Variants in SHTN1 observed in about 807,000 individuals in gnomAD.
The protein encoded by SHTN1 is shootin-1.
A neutral mutation model predicts 83.1 loss-of-function variants in SHTN1; 42 were observed. The ratio of observed to expected loss-of-function variants is 0.51; its 90% CI spans 0.39 to 0.65. SHTN1 has a LOEUF of 0.65. Among genes scored for constraint, SHTN1 ranks in the 30% least tolerant of loss-of-function variants. The pLI, the probability that SHTN1 is intolerant of heterozygous loss-of-function variation, is 0.00. For synonymous variants in SHTN1, 224 were observed against 247.7 expected (o/e 0.90, Z 0.90); for missense variants, 622 against 737.8 (o/e 0.84, Z 1.82).
rs369405448 is a variant in SHTN1 at position 116,951,888 on chromosome 10, T to C, written c.534+21A>G. ...CCTTGAAAATGCTAAAGCCCTTGCCTTTCAGGCCTGAGATACATACTTCTT... is the reference window on the plus strand; with the variant it reads ...CCTTGAAAATGCTAAAGCCCTTGCCCTTCAGGCCTGAGATACATACTTCTT... On this transcript the variant is annotated intron_variant, in intron 6 of 16. Coordinates refer to ENST00000355371, the MANE Select transcript of SHTN1 (RefSeq NM_001127211.3). 40 of 1,420,846 alleles carry C rather than the reference T, an allele frequency of 2.8e-5. No homozygotes were observed. The African/African-American group carries it at 4.5e-4, about 16-fold the overall frequency. The allele number at this position is 1,420,846 out of a possible 1,614,324, so 88.0% of individuals were successfully genotyped here.
In SHTN1 at chr10:117,005,024, T is replaced by G; in HGVS notation, c.56A>C (p.Gln19Pro). Residue 19 changes from glutamine (Q) to proline (P), a missense_variant and splice_region_variant, in exon 1 of 17, where the codon CAA (glutamine) becomes CCA (proline). Physicochemically the swap from Gln to Pro is moderately conservative, Grantham distance 76. Transcript: ENST00000355371. The stretch of plus-strand genomic sequence containing the variant: ...CCTGGCGCCCGCGTGCTGCCTACCT[T>G]GCTCCTTCAGACTGGTAATGAGCTG... The part of the protein sequence containing the change: ...QLQLITSLKE[Q>P]AIGEYEDLRA... The G allele has an allele frequency of 6.3e-7, 1 of 1,595,830 alleles. No homozygotes were observed. The highest frequency in any genetic ancestry group is 8.5e-7 in the Non-Finnish European group (1 of 1,171,690).
intron 1 of SHTN1, among the ~76,000 whole-genome samples, chr10:117,112,211 C>T (rs1317572462): frequency 2.0e-5 from 3 of 152,122 alleles, no homozygotes; most frequent in African/African-American, 7.2e-5. Flanking sequence ...AGAGATCCGC[C>T]CGCCTCGGCC....
intron 2 of SHTN1, among the ~76,000 whole-genome samples, chr10:117,018,701 A>G (rs1852219431): frequency 6.6e-6 from 1 of 151,472 alleles, no homozygotes. Flanking sequence ...CCTCCTGAGT[A>G]GTTGGGATTA....
intron 1 of SHTN1, among the ~76,000 whole-genome samples, chr10:117,119,853 A>AT (rs980941085): frequency 3.0e-4 from 46 of 152,128 alleles, no homozygotes; most frequent in African/African-American, 1.0e-3. Context: ...TAAAAAAAAA[A>AT]AAATAAGATC....
chr10:116,896,688 G>A (rs929993192), intron 16 of SHTN1, among the ~76,000 whole-genome samples: 1 of 152,012 alleles, frequency 6.6e-6, no homozygotes, highest in African/African-American at 2.4e-5. Flanking sequence ...TATTCTCTTA[G>A]AGGACCAGCA....
chr10:116,929,996 C>T lies in SHTN1; in HGVS notation c.865G>A (p.Glu289Lys). The T allele has an allele frequency of 6.4e-7, 1 of 1,563,434 alleles. No homozygotes were observed. The highest frequency in any genetic ancestry group is 1.7e-4 in the Middle Eastern group (1 of 5,794). Residue 289 changes from glutamate (E) to lysine (K), a missense_variant, in exon 10 of 17, where the codon GAA becomes AAA. Physicochemically the swap from Glu to Lys is moderately conservative, Grantham distance 56 (BLOSUM62 1). This residue lies in a region of SHTN1 where 383 missense variants were observed against 455.8 expected (regional missense o/e 0.84). Transcript: ENST00000355371. ...ERIQHQQKVK[E>K]LEEQLENETL... Reference sequence around the variant, plus strand: ...TCATTTTCTAGTTGCTCTTCTAATTCTTTGACCTATAAGTTATTTAAAAAA... The same window carrying T: ...TCATTTTCTAGTTGCTCTTCTAATTTTTTGACCTATAAGTTATTTAAAAAA...
chr10:116,921,612 A>G (rs962993487), intron 11 of SHTN1, 96 bp from the exon 12 acceptor site: 8 of 767,714 alleles, frequency 1.0e-5, no homozygotes, highest in Non-Finnish European at 1.7e-5. Context: ...GCATGAATAT[A>G]TAACTAGAAT....
chr10:116,941,975 C>T (rs1022265655), intron 8 of SHTN1, among the ~76,000 whole-genome samples: 5 of 152,202 alleles, frequency 3.3e-5, no homozygotes, highest in African/African-American at 1.2e-4. Flanking sequence ...CAAAGTCAAA[C>T]AGGTAAATAA....
intron 2 of SHTN1, among the ~76,000 whole-genome samples, chr10:117,045,941 T>C (rs1852656086): frequency 6.6e-6 from 1 of 151,826 alleles, no homozygotes; most frequent in African/African-American, 2.4e-5. Flanking sequence ...TAAGAAGGTA[T>C]CAAAAAATGC....
intron 1 of SHTN1, among the ~76,000 whole-genome samples, chr10:116,986,444 A>G (rs572475327): frequency 5.9e-5 from 9 of 152,282 alleles, no homozygotes; most frequent in Admixed American, 4.6e-4. Context: ...CTGGAGGCTC[A>G]GTTTGGACAA....
chr10:116,961,513 T>C (rs1264140088), intron 3 of SHTN1, among the ~76,000 whole-genome samples: 2 of 151,164 alleles, frequency 1.3e-5, no homozygotes, highest in Non-Finnish European at 2.9e-5. Flanking sequence ...CACATTTGAG[T>C]GGCATCTAAT....
intron 1 of SHTN1, among the ~76,000 whole-genome samples, chr10:117,003,650 T>C (rs1057434541): frequency 5.3e-5 from 8 of 151,904 alleles, no homozygotes; most frequent in African/African-American, 1.9e-4. Context: ...TCGCCTTTAG[T>C]CAGGTCGGCC....
In SHTN1 at chr10:117,062,943, C is replaced by T. The variant is rs577703128; in HGVS notation, c.-188-14433G>A. 1.5e-3 allele frequency among the ~76,000 whole-genome samples: 228 copies of T among 152,236 alleles called. 3 individuals carry two copies. The South Asian group carries it at 0.017, about 11-fold the overall frequency. On this transcript the variant is annotated intron_variant, in intron 1 of 17. Coordinates refer to the SHTN1 transcript ENST00000392901. ...AATTACATGTAACTAAGAACTCAGA[C>T]GGTACCTACAGGAAAGAGAATGTAA...
At chr10:117,087,626 ATATT>A (rs1853369292) in intron 1 of SHTN1, among the ~76,000 whole-genome samples, 1 of 152,242 alleles carries the variant, frequency 6.6e-6, no homozygotes, top group Admixed American at 6.5e-5. Context: ...ACTTTAAAAA[ATATT>A]TACGTGACAT....
intron 1 of SHTN1, among the ~76,000 whole-genome samples, chr10:117,116,268 T>C (rs761771531): frequency 9.9e-5 from 15 of 151,886 alleles, no homozygotes; most frequent in Admixed American, 2.0e-4. Context: ...AAAGAATCAT[T>C]ACAAGCTATT....
intron 1 of SHTN1, among the ~76,000 whole-genome samples, chr10:117,120,229 C>T (rs113879025): frequency 2.0e-5 from 3 of 151,834 alleles, no homozygotes; most frequent in South Asian, 4.2e-4. Context: ...GGATGGATAT[C>T]CCATTTTTCC....
intron 1 of SHTN1, among the ~76,000 whole-genome samples, chr10:117,125,703 G>A (rs1441471293): frequency 6.6e-6 from 1 of 151,982 alleles, no homozygotes. Context: ...GGATGCCCTG[G>A]TTAAGAACCC....
chr10:116,966,229 G>T (rs1440535442), intron 3 of SHTN1, among the ~76,000 whole-genome samples: 1 of 152,032 alleles, frequency 6.6e-6, no homozygotes, highest in Admixed American at 6.6e-5. Context: ...GGATGGTCTT[G>T]ATCTCCCTGA....
At chr10:116,933,863 A>T (rs1255836058) in intron 9 of SHTN1, among the ~76,000 whole-genome samples, 3 of 152,156 alleles carry the variant, frequency 2.0e-5, no homozygotes, top group Non-Finnish European at 4.4e-5. Context: ...CGCCATTCTA[A>T]CTGGCATGAG....
Sources: allele counts gnomAD v4.1 joint callset (sites outside exome capture counted in the v4.1 genomes callset), GRCh38; gene constraint gnomAD v4.1.1; regional missense constraint gnomAD v4.1.1; transcripts MANE v1.5; gene names NCBI Gene and HGNC (gene_info 2026-07-23, HGNC 2026-07-21).